Variants in LMNA observed in about 807,000 individuals in gnomAD.
LMNA encodes lamin.
LMNA carries 20 observed loss-of-function variants against 70.4 expected under a neutral mutation model. That is an observed-to-expected ratio of 0.28 (90% CI 0.20 to 0.41). The LOEUF is 0.41. Ranked by LOEUF, LMNA falls within the 10% of genes least tolerant of loss-of-function variation. The pLI, the probability that LMNA is intolerant of heterozygous loss-of-function variation, is 1.00. For synonymous variants in LMNA, 339 were observed against 372.8 expected, an observed-to-expected ratio of 0.91 and a Z score of 1.04; for missense variants, 652 against 917.2, an observed-to-expected ratio of 0.71 and a Z score of 3.73.
chr1:156,130,726 C>A lies in LMNA; in HGVS notation c.466C>A (p.Arg156Ser). ...AALSTALSEKRTLEGELHDLR... is the reference protein window; with the variant it reads ...AALSTALSEKSTLEGELHDLR... Reference sequence around the variant, plus strand: ...ACTGAGCACTGCTCTCAGTGAGAAGCGCACGCTGGAGGGCGAGCTGCATGA... The same window carrying A: ...ACTGAGCACTGCTCTCAGTGAGAAGAGCACGCTGGAGGGCGAGCTGCATGA... The change falls in exon 2 of 12, where the codon CGC becomes AGC. Residue 156 changes from arginine (R) to serine (S), a missense_variant. By Grantham distance (110) the Arg-to-Ser change is moderately radical (BLOSUM62 -1). This residue lies in a region of LMNA where 254 missense variants were observed against 421.9 expected (regional missense o/e 0.60). Coordinates refer to ENST00000368300, the MANE Select transcript of LMNA (RefSeq NM_170707.4). The A allele has an allele frequency of 6.2e-7, 1 of 1,610,676 alleles. No individual in the cohort carries two copies. Among genetic ancestry groups the A allele is most frequent in the East Asian group, 2.2e-5 (1 of 44,766 alleles).
rs377298120 is a variant in LMNA, at chr1:156,121,804, G to A, written c.356+6530G>A. 1.1e-4 allele frequency among the ~76,000 whole-genome samples: 16 copies of A among 152,182 alleles called. No homozygotes were observed. The East Asian group carries it at 1.5e-3, about 15-fold the overall frequency. ...TGGGGTCCCAGTGTACTGATAGGCC[G>A]AACTCTAATATTATAGGAGATCTCT... On this transcript the variant is annotated intron_variant, in intron 1 of 11. Transcript: ENST00000368300.
At chr1:156,113,444 C>T (rs894348714), upstream of LMNA, among the ~76,000 whole-genome samples, 5 of 152,210 alleles carry the variant, frequency 3.3e-5, no homozygotes, top group Middle Eastern at 6.8e-3. Context: ...GATGGAGGCT[C>T]CAGAGCCTGA....
upstream of LMNA, chr1:156,109,798 A>ATGTGTGTGTGTGTGTG (rs57284200): frequency 5.3e-4 from 45 of 85,574 alleles, no homozygotes; most frequent in African/African-American, 1.8e-3. Context: ...GCATGTATGT[A>ATGTGTGTGTGTGTGTG]TGTGTGTGTG....
chr1:156,138,676 G>C lies in LMNA; in HGVS notation c.1887G>C (p.Val629=). 2.5e-6 allele frequency: 4 copies of C among 1,613,626 alleles called. No individual in the cohort carries two copies. Among genetic ancestry groups the C allele is most frequent in the Non-Finnish European group, 3.4e-6 (4 of 1,179,958 alleles). ...CGGTCACTCGCAGCTACCGCAGTGT[G>C]GGGGGCAGTGGGGGTGGCAGCTTCG... The part of the protein sequence containing the change: ...SVTVTRSYRS[V]GGSGGGSFGD... Residue 629 remains valine (V), a synonymous_variant, in exon 11 of 12, where the codon GTG becomes GTC. Coordinates refer to ENST00000368300, the MANE Select transcript of LMNA (RefSeq NM_170707.4). The surrounding 1 kb of genome is among the most constrained non-coding windows in gnomAD (Gnocchi z 5.5).
At position 156,134,601 on chromosome 1, in the gene LMNA, C is replaced by G. The variant is rs11264443; in HGVS notation, c.639+73C>G. The G allele has an allele frequency of 1.4e-5, 22 of 1,602,062 alleles. 1 individual carries two copies. The South Asian group carries it at 2.3e-4, about 17-fold the overall frequency. ...AGACTTGGGCTGGGCTAGGGGGGAC[C>G]AGCTGTGTGCAGAGCTCGCCTTCCT... On this transcript the variant is annotated intron_variant, in intron 3 of 11. Transcript: ENST00000368300. The surrounding 1 kb of genome is among the most constrained non-coding windows in gnomAD (Gnocchi z 5.3).
In LMNA at chr1:156,130,784, C is replaced by T. The variant is rs1331483345; in HGVS notation, c.513+11C>T. ...GGCCAGGTGGCCAAGGTGAGGCCAC[C>T]CTGCAGGGCCCACCCATGGCCCCAC... is the stretch of plus-strand genomic sequence containing the variant. On this transcript the variant is annotated intron_variant, in intron 2 of 11. Coordinates refer to ENST00000368300, the MANE Select transcript of LMNA (RefSeq NM_170707.4). The T allele has an allele frequency of 6.4e-7, 1 of 1,565,618 alleles. No individual in the cohort carries two copies. The highest frequency in any genetic ancestry group is 8.7e-7 in the Non-Finnish European group (1 of 1,155,334).
chr1:156,110,680 T>TA (rs976734023), upstream of LMNA, among the ~76,000 whole-genome samples: 18 of 151,480 alleles, frequency 1.2e-4, no homozygotes, highest in African/African-American at 4.4e-4. Flanking sequence ...CCCCATCTCT[T>TA]AAAAAAATAA....
At chr1:156,088,987 G>T (rs1648590777) in intron 2 of LMNA, among the ~76,000 whole-genome samples, 1 of 152,116 alleles carries the variant, frequency 6.6e-6, no homozygotes, top group Admixed American at 6.5e-5. Context: ...TTGTTTGTTT[G>T]TTTATTTTGA....
At chr1:156,098,035 T>C (rs1649005258) in intron 3 of LMNA, among the ~76,000 whole-genome samples, 1 of 152,130 alleles carries the variant, frequency 6.6e-6, no homozygotes, top group Admixed American at 6.6e-5. Flanking sequence ...AGCCTGGGAG[T>C]TCCCAGCCTT....
intron 1 of LMNA, among the ~76,000 whole-genome samples, chr1:156,125,407 G>A (rs1022538311): frequency 1.3e-5 from 2 of 151,914 alleles, no homozygotes; most frequent in Admixed American, 1.3e-4. Flanking sequence ...TCCAGGAGGG[G>A]CTGGGTGTGG....
At chr1:156,084,893 G>A (rs1034558158) in intron 2 of LMNA, among the ~76,000 whole-genome samples, 1 of 152,172 alleles carries the variant, frequency 6.6e-6, no homozygotes, top group Non-Finnish European at 1.5e-5. Context: ...AAGCCTTGGG[G>A]ATTTGGCCAG....
Position 156,137,816 on chromosome 1 carries a change from C to G in LMNA, c.1698+73C>G. 1 of 1,544,780 alleles carries G rather than the reference C, an allele frequency of 6.5e-7. No individual in the cohort carries two copies. Among genetic ancestry groups the G allele is most frequent in the South Asian group, 1.2e-5 (1 of 83,908 alleles). On this transcript the variant is annotated intron_variant, in intron 10 of 11. Transcript: ENST00000368300. The surrounding 1 kb of genome is among the most constrained non-coding windows in gnomAD (Gnocchi z 4.6). ...GCCAGGCCTGGGGGCAGCCTCTCCC[C>G]AGCCTCCCCGTGCCAAAAATCTTTT...
chr1:156,088,296 A>G (rs1648557698), intron 2 of LMNA, among the ~76,000 whole-genome samples: 1 of 152,088 alleles, frequency 6.6e-6, no homozygotes, highest in Admixed American at 6.5e-5. Flanking sequence ...ACATTAATTA[A>G]TTTAATTTAA....
Position 156,137,562 on chromosome 1 carries a change from A to G in LMNA, c.1609-92A>G. ...CAGCAGGCCGGACAAAGGGCAGGCC[A>G]CAAGAAAAGTTGCAGGTGGTCACTG... On this transcript the variant is annotated intron_variant, in intron 9 of 11. Coordinates refer to ENST00000368300, the MANE Select transcript of LMNA (RefSeq NM_170707.4). This position sits in a 1 kb window ranked among gnomAD's most constrained non-coding sequence, Gnocchi z 4.6. 8.4e-7 allele frequency: 1 copy of G among 1,188,104 alleles called. No homozygotes were observed. Among genetic ancestry groups the G allele is most frequent in the Non-Finnish European group, 1.2e-6 (1 of 822,814 alleles). 73.6% of individuals were successfully genotyped at this position (1,188,104 alleles called of 1,614,324 possible). A position where few individuals can be genotyped will look rare whatever the true frequency, so the allele number is the denominator to read the frequency against.
At chr1:156,126,617 C>G in intron 1 of LMNA, 1 of 1,010,916 alleles carries the variant, frequency 9.9e-7, no homozygotes, top group Non-Finnish European at 1.6e-6. Flanking sequence ...TCCCACCAGG[C>G]ACAGCTCTTC....
intron 3 of LMNA, among the ~76,000 whole-genome samples, chr1:156,104,988 G>A (rs1189459143): frequency 6.6e-6 from 1 of 152,170 alleles, no homozygotes; most frequent in Non-Finnish European, 1.5e-5. Flanking sequence ...AGCCTGAGCG[G>A]GCCAGGGCCT....
At chr1:156,117,951 C>T (rs1009151610) in intron 1 of LMNA, among the ~76,000 whole-genome samples, 1 of 150,068 alleles carries the variant, frequency 6.7e-6, no homozygotes, top group African/African-American at 2.5e-5. Context: ...TAAGGGCAGG[C>T]ACCACCACGC....
chr1:156,106,368 T>G (rs922231731), intron 3 of LMNA, among the ~76,000 whole-genome samples: 1 of 152,236 alleles, frequency 6.6e-6, no homozygotes, highest in African/African-American at 2.4e-5. Context: ...CGCTTCTGTT[T>G]GTTTCCTTGG....
At chr1:156,129,779 C>G (rs560233031) in intron 1 of LMNA, 1 of 718,410 alleles carries the variant, frequency 1.4e-6, no homozygotes, top group African/African-American at 1.7e-5. Flanking sequence ...GCAGAGGCAG[C>G]GCTGTTCGAC....
Sources: gnomAD v4.1 joint callset for allele counts (sites outside exome capture counted in the v4.1 genomes callset) on GRCh38, gnomAD v4.1.1 for gene constraint, gnomAD v4.1.1 regional missense constraint, Gnocchi (gnomAD v3.1) non-coding constraint, MANE v1.5 for transcripts, NCBI Gene and HGNC (gene_info 2026-07-23, HGNC 2026-07-21) for gene names.